Variants in IL3RA observed in about 807,000 individuals in gnomAD.
IL3RA encodes the protein interleukin-3 receptor subunit alpha.
Under a neutral mutation model 52.3 loss-of-function variants are expected in IL3RA, and 73 were observed. The observed-to-expected ratio is 1.40, with a 90% CI of 1.16 to 1.70. IL3RA has a LOEUF of 1.70. Among genes scored for constraint, IL3RA ranks in the 40% most tolerant of loss-of-function variants. The pLI is 0.00. For missense variants in IL3RA, 664 were observed against 504.4 expected, an observed-to-expected ratio of 1.32 and a Z score of -3.03; for synonymous variants, 260 against 194.0, an observed-to-expected ratio of 1.34 and a Z score of -2.83.
chrX:1,347,087 A>G (rs2085772672), intron 3 of IL3RA, among the ~76,000 whole-genome samples: 1 of 151,452 alleles, frequency 6.6e-6, no homozygotes, highest in Non-Finnish European at 1.5e-5. Context: ...TGAATGAAGG[A>G]GAACCTGCCT....
At chrX:1,341,555 TGTG>T (rs2085497151) in intron 1 of IL3RA, among the ~76,000 whole-genome samples, 170 bp from the exon 2 acceptor site, 1 of 4,126 alleles carries the variant, frequency 2.4e-4, no homozygotes, top group African/African-American at 3.7e-4. Flanking sequence ...TGTGCATGCA[TGTG>T]CAAAGGCGCA....
At chrX:1,353,610 C>T (rs17883950) in intron 6 of IL3RA, among the ~76,000 whole-genome samples, 32,836 of 50,564 alleles carry the variant, frequency 0.65, 12,384 homozygotes, top group African/African-American at 0.79. Flanking sequence ...CATCATAGGT[C>T]CCATCATGGG....
intron 8 of IL3RA, among the ~76,000 whole-genome samples, chrX:1,363,104 TCATTG>T (rs1449091964): frequency 6.7e-6 from 1 of 150,260 alleles, no homozygotes; most frequent in Non-Finnish European, 1.5e-5. Flanking sequence ...AGGATATTGG[TCATTG>T]CATTTAGGGC....
chrX:1,344,154 C>G (rs2085622857), intron 2 of IL3RA, among the ~76,000 whole-genome samples: 1 of 152,058 alleles, frequency 6.6e-6, no homozygotes, highest in Non-Finnish European at 1.5e-5. Flanking sequence ...CACTTCCCAG[C>G]CAGGCTCAGT....
At chrX:1,348,647 TTTCTTTCTTTCTTTCTTTCTTTC>T (rs1569520677) in intron 4 of IL3RA, 102 bp downstream of exon 4, 8,333 of 307,980 alleles carry the variant, frequency 0.027, 326 homozygotes, top group African/African-American at 0.12. Flanking sequence ...TCTTTTTCTC[TTTCTTTCTTTCTTTCTTTCTTTC>T]TTTCTTTCTT....
chrX:1,357,383 C>T (rs1163814031), intron 7 of IL3RA, among the ~76,000 whole-genome samples: 3 of 151,590 alleles, frequency 2.0e-5, no homozygotes, highest in Non-Finnish European at 4.4e-5. Context: ...ATTTTTGAGA[C>T]GGAGTCCTGC....
chrX:1,357,877 A>G (rs2086857717), intron 7 of IL3RA, among the ~76,000 whole-genome samples: 1 of 147,542 alleles, frequency 6.8e-6, no homozygotes, highest in Non-Finnish European at 1.5e-5. Context: ...CCGAGGCAGG[A>G]CGATCACGAG....
At chrX:1,368,703 GT>G (rs1314552990) in intron 9 of IL3RA, among the ~76,000 whole-genome samples, 1 of 151,814 alleles carries the variant, frequency 6.6e-6, no homozygotes, top group Non-Finnish European at 1.5e-5. Context: ...GGACGACCCT[GT>G]GGGACACAGG....
chrX:1,350,858 A>T (rs1172736853), intron 4 of IL3RA, among the ~76,000 whole-genome samples: 7 of 143,282 alleles, frequency 4.9e-5, no homozygotes, highest in African/African-American at 1.8e-4. Flanking sequence ...ATTGAGCTCC[A>T]GCCTGGGCAA....
intron 1 of IL3RA, among the ~76,000 whole-genome samples, chrX:1,340,963 A>G (rs765224862): frequency 2.6e-5 from 4 of 152,222 alleles, no homozygotes; most frequent in Admixed American, 2.6e-4. Flanking sequence ...CTAAAAATAC[A>G]AAAATTAGCC....
chrX:1,381,389 T>C (rs1384106934), intron 11 of IL3RA, among the ~76,000 whole-genome samples: 2 of 151,856 alleles, frequency 1.3e-5, no homozygotes, highest in African/African-American at 2.4e-5. Context: ...AAGAGTGAAA[T>C]GGCCTGGACT....
chrX:1,352,407 C>T lies in IL3RA; in HGVS notation c.517C>T (p.Leu173Phe), dbSNP rs1398784970. ...IGCRFDDISR[L>F]SSGSQSSHIL... ...GTGTCGTTTCGATGACATCTCTCGACTCTCCAGCGGTTCTCAAAGTTCCCA... is the reference window on the plus strand; with the variant it reads ...GTGTCGTTTCGATGACATCTCTCGATTCTCCAGCGGTTCTCAAAGTTCCCA... Residue 173 changes from leucine to phenylalanine, a missense_variant, in exon 6 of 12, where the codon CTC becomes TTC. Coordinates refer to ENST00000331035, the MANE Select transcript of IL3RA (RefSeq NM_002183.4). 31 of 1,613,758 alleles carry T rather than the reference C, an allele frequency of 1.9e-5. No individual in the cohort carries two copies. The highest frequency in any genetic ancestry group is 2.5e-5 in the Non-Finnish European group (30 of 1,179,874).
intron 2 of IL3RA, among the ~76,000 whole-genome samples, chrX:1,342,827 A>G (rs1238264646): frequency 6.7e-6 from 1 of 149,596 alleles, no homozygotes; most frequent in Non-Finnish European, 1.5e-5. Flanking sequence ...GGGATTACAC[A>G]CTTTGGGAGG....
At chrX:1,355,602 G>C (rs1171473679) in intron 6 of IL3RA, among the ~76,000 whole-genome samples, 2 of 151,348 alleles carry the variant, frequency 1.3e-5, no homozygotes, top group Non-Finnish European at 2.9e-5. Context: ...GGGGTTCCCG[G>C]GAAGTGGAGG....
chrX:1,338,122 C>T (rs2085373109), intron 1 of IL3RA, among the ~76,000 whole-genome samples: 1 of 147,418 alleles, frequency 6.8e-6, no homozygotes, highest in Admixed American at 6.9e-5. Flanking sequence ...CCTCATACCC[C>T]CATCTATAGA....
chrX:1,341,553 CATGT>C (rs66518682), intron 1 of IL3RA, among the ~76,000 whole-genome samples, 171 bp from the exon 2 acceptor site: 130,754 of 151,790 alleles, frequency 0.86, 56,705 homozygotes, highest in Non-Finnish European at 0.93. Flanking sequence ...GATGTGCATG[CATGT>C]GCAAAGGCGC....
chrX:1,362,996 G>A (rs1205123388), intron 8 of IL3RA, among the ~76,000 whole-genome samples: 57 of 151,992 alleles, frequency 3.8e-4, no homozygotes, highest in African/African-American at 1.3e-3. Context: ...GGTTGACCTC[G>A]AACTCCTGAC....
chrX:1,367,221 A>T (rs865780222), intron 9 of IL3RA, among the ~76,000 whole-genome samples: 1 of 13,460 alleles, frequency 7.4e-5, no homozygotes, highest in Non-Finnish European at 1.3e-4. Flanking sequence ...GAGCGGGGTG[A>T]GCCGGGTGCG....
intron 8 of IL3RA, among the ~76,000 whole-genome samples, chrX:1,360,100 T>A (rs2087098769): frequency 6.7e-6 from 1 of 148,600 alleles, no homozygotes; most frequent in African/African-American, 2.5e-5. Flanking sequence ...TCTCTCCCGG[T>A]CTCTATCTCC....
Sources: gnomAD v4.1 joint callset for allele counts (sites outside exome capture counted in the v4.1 genomes callset) on GRCh38, gnomAD v4.1.1 for gene constraint, MANE v1.5 for transcripts, NCBI Gene and HGNC (gene_info 2026-07-23, HGNC 2026-07-21) for gene names.